The following AP2A2 variants were observed in gnomAD, a reference collection of about 807,000 sequenced individuals.
AP2A2 encodes adaptor related protein complex 2 subunit alpha 2.
In AP2A2, 32 loss-of-function variants were observed where a neutral mutation model predicts 104.2. That is an observed-to-expected ratio of 0.31 (90% CI 0.23 to 0.41). AP2A2 has a LOEUF of 0.41. Among genes scored for constraint, AP2A2 ranks in the 10% least tolerant of loss-of-function variants. AP2A2 has a pLI of 1.00. For missense variants in AP2A2, 912 were observed against 1,261.0 expected (o/e 0.72, Z 4.19); for synonymous variants, 539 against 533.3 (o/e 1.01, Z -0.15).
chr11:973,509 AC>A (rs1315009561), intron 4 of AP2A2, among the ~76,000 whole-genome samples: 1 of 152,114 alleles, frequency 6.6e-6, no homozygotes, highest in African/African-American at 2.4e-5. Flanking sequence ...GAGATGGGTG[AC>A]CCCACAGTAG....
At chr11:1,004,867 C>T (rs545382043) in intron 16 of AP2A2, among the ~76,000 whole-genome samples, 39 of 152,270 alleles carry the variant, frequency 2.6e-4, no homozygotes, top group Non-Finnish European at 4.6e-4. Flanking sequence ...GGCGTGGTGA[C>T]GTTGGAGCCT....
chr11:963,770 G>A (rs552828272), intron 2 of AP2A2, among the ~76,000 whole-genome samples: 3 of 152,170 alleles, frequency 2.0e-5, no homozygotes, highest in Non-Finnish European at 4.4e-5. Flanking sequence ...CCACAGGCGC[G>A]CACCACCACG....
At chr11:983,071 A>G (rs1217109212) in intron 6 of AP2A2, among the ~76,000 whole-genome samples, 20 of 120,566 alleles carry the variant, frequency 1.7e-4, no homozygotes, top group African/African-American at 6.5e-4. Flanking sequence ...CCCAGGTTGG[A>G]GTGCAATGGC....
chr11:1,000,476 C>T lies in AP2A2; in HGVS notation c.2001C>T (p.Ala667=), dbSNP rs1179385351. Residue 667 remains alanine (A), a synonymous_variant, in exon 15 of 22, where the codon GCC becomes GCT. Coordinates refer to ENST00000448903, the MANE Select transcript of AP2A2 (RefSeq NM_012305.4). ...CAGACCTGCTGGGTCTCGGGGCTGC[C>T]CCCCCTGCCCCCGCGGGCCCCCCAC... The part of the protein sequence containing the change: ...PSADLLGLGA[A]PPAPAGPPPS... The T allele has an allele frequency of 6.5e-7, 1 of 1,540,272 alleles. No individual in the cohort carries two copies. The highest frequency in any genetic ancestry group is 2.4e-5 in the East Asian group (1 of 41,034).
intron 6 of AP2A2, among the ~76,000 whole-genome samples, chr11:983,510 G>A (rs1486401545): frequency 6.6e-6 from 1 of 152,068 alleles, no homozygotes; most frequent in Non-Finnish European, 1.5e-5. Context: ...AGCCTCTCGA[G>A]TAGCTGGGAC....
chr11:1,009,232 C>A lies in AP2A2; in HGVS notation c.2537+16C>A. ...AGTTGAGCAAGTGAGAAACCTGTTTCCTGTAGGGGTCAGGGGTGGGGACGG... is the reference window on the plus strand; with the variant it reads ...AGTTGAGCAAGTGAGAAACCTGTTTACTGTAGGGGTCAGGGGTGGGGACGG... On this transcript the variant is annotated intron_variant, in intron 19 of 21. Coordinates refer to ENST00000448903, the MANE Select transcript of AP2A2 (RefSeq NM_012305.4). 6.2e-7 allele frequency: 1 copy of A among 1,612,084 alleles called. No individual in the cohort carries two copies. The highest frequency in any genetic ancestry group is 8.5e-7 in the Non-Finnish European group (1 of 1,178,394).
At chr11:926,236 G>C (rs1285681026) in intron 1 of AP2A2, 148 bp downstream of exon 1, 2 of 352,760 alleles carry the variant, frequency 5.7e-6, no homozygotes. Flanking sequence ...GCGGCGCTCG[G>C]GGTCTTGGGG....
At chr11:978,751 G>A (rs1855138409) in intron 5 of AP2A2, among the ~76,000 whole-genome samples, 1 of 152,216 alleles carries the variant, frequency 6.6e-6, no homozygotes, top group African/African-American at 2.4e-5. Flanking sequence ...GAGCCCCCAA[G>A]AAAGGTGTCA....
chr11:961,071 AG>A (rs1244607833), intron 2 of AP2A2, among the ~76,000 whole-genome samples: 1 of 152,300 alleles, frequency 6.6e-6, no homozygotes, highest in African/African-American at 2.4e-5. Flanking sequence ...GAGTGACACC[AG>A]TGAAAAGTAA....
At chr11:981,978 G>A (rs990413028) in intron 6 of AP2A2, among the ~76,000 whole-genome samples, 2 of 152,290 alleles carry the variant, frequency 1.3e-5, no homozygotes, top group African/African-American at 2.4e-5. Context: ...CAGGAGGCGC[G>A]GGCGCGGCAC....
intron 4 of AP2A2, among the ~76,000 whole-genome samples, chr11:973,405 C>A (rs1359271495): frequency 1.3e-5 from 2 of 152,146 alleles, no homozygotes; most frequent in African/African-American, 4.8e-5. Context: ...AATGAGGCAG[C>A]CTCCTGTCAG....
chr11:999,617 C>A (rs1229676286), intron 14 of AP2A2, among the ~76,000 whole-genome samples: 1 of 152,086 alleles, frequency 6.6e-6, no homozygotes, highest in Non-Finnish European at 1.5e-5. Context: ...GTGTGGGGCA[C>A]CATGCCCAGC....
intron 9 of AP2A2, among the ~76,000 whole-genome samples, chr11:987,649 C>T (rs971347924): frequency 2.6e-5 from 4 of 151,228 alleles, no homozygotes; most frequent in African/African-American, 4.9e-5. Context: ...AGCGAGACTC[C>T]GTCTCAAAAA....
chr11:1,008,054 G>A lies in AP2A2; in HGVS notation c.2339G>A (p.Gly780Glu), dbSNP rs1387151636. Residue 780 changes from glycine to glutamate, a missense_variant, in exon 18 of 22, where the codon GGG (glycine) becomes GAG (glutamate). Coordinates refer to ENST00000448903, the MANE Select transcript of AP2A2 (RefSeq NM_012305.4). ...AAGCCCGTGGACCCGACCGTGGAGG[G>A]GGGCGCGCAGGTGCAGCAGGTGGTC... ...QTKPVDPTVE[G>E]GAQVQQVVNI... The A allele has an allele frequency of 6.3e-7, 1 of 1,579,806 alleles. No individual in the cohort carries two copies.
intron 14 of AP2A2, among the ~76,000 whole-genome samples, chr11:1,000,042 G>A (rs1402320148): frequency 1.3e-5 from 2 of 151,948 alleles, no homozygotes; most frequent in South Asian, 2.1e-4. Context: ...TCCTGACCTC[G>A]TGATCCGCCC....
intron 4 of AP2A2, among the ~76,000 whole-genome samples, chr11:975,447 G>A (rs142831368): frequency 1.5e-3 from 112 of 72,558 alleles, no homozygotes; most frequent in Middle Eastern, 0.011. Context: ...GGAGAGTAGC[G>A]GTGGGGTCCT....
chr11:956,271 G>A (rs1368212030), intron 1 of AP2A2, among the ~76,000 whole-genome samples: 1 of 151,332 alleles, frequency 6.6e-6, no homozygotes, highest in Admixed American at 6.6e-5. Flanking sequence ...CAAGTGATTC[G>A]TCTGTCTCAG....
chr11:983,911 G>T (rs1855358164), intron 6 of AP2A2, among the ~76,000 whole-genome samples: 1 of 152,170 alleles, frequency 6.6e-6, no homozygotes. Context: ...ACAGCCTAGA[G>T]CTTGCCTCCT....
rs1853107379 is a variant in AP2A2, at chr11:926,041, G to A, written c.20G>A (p.Gly7Glu). 7.2e-7 allele frequency: 1 copy of A among 1,392,758 alleles called. No homozygotes were observed. Among genetic ancestry groups the A allele is most frequent in the Non-Finnish European group, 9.4e-7 (1 of 1,062,292 alleles). 86.3% of individuals were successfully genotyped at this position (1,392,758 alleles called of 1,614,324 possible). A position where few individuals can be genotyped will look rare whatever the true frequency, so the allele number is the denominator to read the frequency against. Residue 7 changes from glycine (G) to glutamate (E), a missense_variant, in exon 1 of 22, where the codon GGG (glycine) becomes GAG (glutamate). Around this residue, in one of 7 missense-constraint regions of AP2A2, gnomAD observed 43 missense variants for 47.0 expected, o/e 0.91. Transcript: ENST00000448903. MPAVSK[G>E]DGMRGLAVFI... ...CGGAAGATGCCGGCCGTGTCCAAGG[G>A]GGACGGGATGCGGGGCCTGGCGGTC...
Sources: gnomAD v4.1 joint callset for allele counts (sites outside exome capture counted in the v4.1 genomes callset) on GRCh38, gnomAD v4.1.1 for gene constraint, gnomAD v4.1.1 regional missense constraint, MANE v1.5 for transcripts, NCBI Gene and HGNC (gene_info 2026-07-23, HGNC 2026-07-21) for gene names.